Variants in RBFOX1 observed in about 807,000 individuals in gnomAD.
RBFOX1 encodes the protein RNA binding protein fox-1 homolog 1.
RBFOX1 carries 8 observed loss-of-function variants against 57.7 expected under a neutral mutation model. The ratio of observed to expected loss-of-function variants is 0.14; its 90% CI spans 0.08 to 0.25. RBFOX1 has a LOEUF of 0.25. Ranked by LOEUF, RBFOX1 falls within the 10% of genes least tolerant of loss-of-function variation. The pLI is 1.00. For synonymous variants in RBFOX1, 326 were observed against 222.4 expected (o/e 1.47, Z -4.15); for missense variants, 611 against 548.5 (o/e 1.11, Z -1.14).
intron 3 of RBFOX1, among the ~76,000 whole-genome samples, chr16:5,706,039 G>A (rs989954758): frequency 6.6e-6 from 1 of 152,040 alleles, no homozygotes; most frequent in Non-Finnish European, 1.5e-5. Flanking sequence ...GCCTCCTGAG[G>A]AGCTGGGATT....
intron 3 of RBFOX1, among the ~76,000 whole-genome samples, chr16:5,606,016 C>T (rs955620776): frequency 6.6e-6 from 1 of 152,144 alleles, no homozygotes; most frequent in African/African-American, 2.4e-5. Context: ...GCATCCTTGG[C>T]ATTTTCCTGT....
chr16:7,491,439 C>T (rs578170293), intron 4 of RBFOX1, among the ~76,000 whole-genome samples: 3 of 117,540 alleles, frequency 2.6e-5, no homozygotes, highest in Non-Finnish European at 5.9e-5. Flanking sequence ...CCTGGGAAGG[C>T]AGGACTAGAC....
At chr16:7,032,094 C>G (rs532984777) in intron 3 of RBFOX1, among the ~76,000 whole-genome samples, 1 of 152,042 alleles carries the variant, frequency 6.6e-6, no homozygotes, top group African/African-American at 2.4e-5. Context: ...CGTAGTGTCC[C>G]CTCTTGAGAA....
At chr16:7,071,015 C>T (rs1271630303) in intron 4 of RBFOX1, among the ~76,000 whole-genome samples, 1 of 152,128 alleles carries the variant, frequency 6.6e-6, no homozygotes, top group Admixed American at 6.5e-5. Flanking sequence ...GCTACATTTG[C>T]CATTAAGAGA....
chr16:6,642,081 G>A (rs1332495305), intron 2 of RBFOX1, among the ~76,000 whole-genome samples: 1 of 152,146 alleles, frequency 6.6e-6, no homozygotes, highest in Non-Finnish European at 1.5e-5. Context: ...GCTACGGAGA[G>A]GGTATGTTTT....
At chr16:6,074,295 C>T (rs2095870823) in intron 1 of RBFOX1, among the ~76,000 whole-genome samples, 1 of 152,126 alleles carries the variant, frequency 6.6e-6, no homozygotes, top group Non-Finnish European at 1.5e-5. Flanking sequence ...CACAGCTGTA[C>T]AGACTTTTTG....
chr16:6,371,811 C>T (rs2090465171), intron 2 of RBFOX1, among the ~76,000 whole-genome samples: 1 of 152,264 alleles, frequency 6.6e-6, no homozygotes, highest in East Asian at 1.9e-4. Context: ...TTAATCCTTC[C>T]TAAGGATTAT....
chr16:7,093,328 G>A (rs1029242010), intron 4 of RBFOX1, among the ~76,000 whole-genome samples: 1 of 152,126 alleles, frequency 6.6e-6, no homozygotes, highest in Non-Finnish European at 1.5e-5. Context: ...TCTTGTCTGT[G>A]TCACCAGGAG....
intron 4 of RBFOX1, among the ~76,000 whole-genome samples, chr16:7,230,694 A>T (rs1051331329): frequency 5.6e-4 from 85 of 152,330 alleles, no homozygotes; most frequent in African/African-American, 2.0e-3. Flanking sequence ...GGGGAGAGCC[A>T]CTTGGAGTTG....
intron 3 of RBFOX1, among the ~76,000 whole-genome samples, chr16:6,991,557 G>T (rs1477078273): frequency 6.6e-6 from 1 of 152,124 alleles, no homozygotes; most frequent in Non-Finnish European, 1.5e-5. Flanking sequence ...GTTGTTTTGA[G>T]ATGGGGTCCC....
At chr16:6,441,502 T>C (rs111522855) in intron 2 of RBFOX1, among the ~76,000 whole-genome samples, 139 of 152,206 alleles carry the variant, frequency 9.1e-4, no homozygotes, top group African/African-American at 3.0e-3. Context: ...CTGCAACCTC[T>C]GCCTCCAGGA....
chr16:6,840,847 A>G (rs1048124030), intron 3 of RBFOX1, among the ~76,000 whole-genome samples: 2 of 147,160 alleles, frequency 1.4e-5, no homozygotes, highest in African/African-American at 2.5e-5. Context: ...AGATCGTCCC[A>G]TTGTACTCTA....
At chr16:7,025,690 G>C (rs1368304165) in intron 3 of RBFOX1, among the ~76,000 whole-genome samples, 2 of 152,136 alleles carry the variant, frequency 1.3e-5, no homozygotes, top group Non-Finnish European at 1.5e-5. Context: ...GCCTGGCCTG[G>C]CCTCTGGAGC....
At chr16:5,271,642 G>C (rs2063011101) in intron 1 of RBFOX1, among the ~76,000 whole-genome samples, 1 of 152,200 alleles carries the variant, frequency 6.6e-6, no homozygotes, top group African/African-American at 2.4e-5. Context: ...TCGATGATGT[G>C]TCCCTGCTCT....
chr16:6,891,649 G>A lies in RBFOX1; in HGVS notation c.-15-160408G>A, dbSNP rs77088999. ...GCATTCCTTTCCTTGCTTAATCTCT[G>A]CAAGTTTCAACAAATTGTTAATGTA... is the stretch of plus-strand genomic sequence containing the variant. On this transcript the variant is annotated intron_variant, in intron 3 of 15. Transcript: ENST00000550418. 5.0e-3 allele frequency among the ~76,000 whole-genome samples: 754 copies of A among 152,264 alleles called. 7 individuals carry two copies. The highest frequency in any genetic ancestry group is 0.017 in the African/African-American group (712 of 41,542).
intron 3 of RBFOX1, among the ~76,000 whole-genome samples, chr16:5,779,516 A>G (rs184818115): frequency 9.3e-4 from 142 of 152,260 alleles, no homozygotes; most frequent in African/African-American, 3.3e-3. Flanking sequence ...GCTCTGTTTT[A>G]TTGAAACTAC....
intron 5 of RBFOX1, among the ~76,000 whole-genome samples, chr16:7,547,160 G>T (rs183780769): frequency 6.6e-6 from 1 of 152,308 alleles, no homozygotes; most frequent in African/African-American, 2.4e-5. Context: ...CTGCATATTG[G>T]CTTTCAGCTT....
intron 4 of RBFOX1, among the ~76,000 whole-genome samples, chr16:6,010,871 T>C (rs1293115321): frequency 6.6e-6 from 1 of 152,238 alleles, no homozygotes; most frequent in Non-Finnish European, 1.5e-5. Flanking sequence ...GTGGTTCATG[T>C]GTCTTAATCG....
intron 4 of RBFOX1, among the ~76,000 whole-genome samples, chr16:5,965,186 GT>G (rs2059819797): frequency 6.6e-6 from 1 of 152,158 alleles, no homozygotes; most frequent in Non-Finnish European, 1.5e-5. Flanking sequence ...CACAGTATAA[GT>G]TTTCAGTTAT....
Sources: allele counts gnomAD v4.1 joint callset (sites outside exome capture counted in the v4.1 genomes callset), GRCh38; gene constraint gnomAD v4.1.1; transcripts MANE v1.5; gene names NCBI Gene and HGNC (gene_info 2026-07-23, HGNC 2026-07-21).